SLC24A4: variants seen among roughly 807,000 people sequenced by gnomAD.
SLC24A4 encodes sodium/potassium/calcium exchanger 4.
Under a neutral mutation model 79.0 loss-of-function variants are expected in SLC24A4, and 53 were observed. The ratio of observed to expected loss-of-function variants is 0.67; its 90% CI spans 0.54 to 0.84. SLC24A4 has a LOEUF of 0.84. SLC24A4 is among the 40% of genes least tolerant of loss of function. The pLI, the probability that SLC24A4 is intolerant of heterozygous loss-of-function variation, is 0.00. For synonymous variants in SLC24A4, 323 were observed against 323.8 expected, an observed-to-expected ratio of 1.00 and a Z score of 0.03; for missense variants, 731 against 822.0, an observed-to-expected ratio of 0.89 and a Z score of 1.35.
chr14:92,378,183 G>T (rs541023526), intron 2 of SLC24A4, among the ~76,000 whole-genome samples: 1 of 152,248 alleles, frequency 6.6e-6, no homozygotes, highest in Admixed American at 6.5e-5. Flanking sequence ...CATGTGATTG[G>T]CTTGTCAGCT....
chr14:92,476,799 C>G (rs1031263261), intron 12 of SLC24A4, among the ~76,000 whole-genome samples: 5 of 152,166 alleles, frequency 3.3e-5, no homozygotes, highest in African/African-American at 1.2e-4. Flanking sequence ...TAGAATCTAT[C>G]AATATATGGC....
chr14:92,342,127 A>G (rs1436453829), intron 2 of SLC24A4, among the ~76,000 whole-genome samples: 1 of 152,062 alleles, frequency 6.6e-6, no homozygotes, highest in Non-Finnish European at 1.5e-5. Context: ...GCTCATCACC[A>G]ATACCGAGAA....
At chr14:92,422,784 C>G (rs747397595) in intron 2 of SLC24A4, among the ~76,000 whole-genome samples, 1 of 152,134 alleles carries the variant, frequency 6.6e-6, no homozygotes, top group South Asian at 2.1e-4. Context: ...TTGTGCAGTA[C>G]GTAGAAACCT....
chr14:92,338,360 C>G (rs1008727685), intron 2 of SLC24A4, among the ~76,000 whole-genome samples: 9 of 152,226 alleles, frequency 5.9e-5, no homozygotes, highest in African/African-American at 2.2e-4. Flanking sequence ...GTTTGCCTGA[C>G]TGTAATAGAT....
intron 12 of SLC24A4, 109 bp from the exon 13 acceptor site, chr14:92,482,571 G>GCAA: frequency 9.4e-7 from 1 of 1,059,620 alleles, no homozygotes; most frequent in Non-Finnish European, 1.4e-6. Context: ...TCACATCGGT[G>GCAA]GCATTCTCTT....
intron 10 of SLC24A4, among the ~76,000 whole-genome samples, chr14:92,449,624 G>A (rs1038182081): frequency 3.3e-5 from 5 of 152,140 alleles, no homozygotes; most frequent in Non-Finnish European, 5.9e-5. Context: ...GCCTCCCTGC[G>A]GTTTCTCAAA....
intron 7 of SLC24A4, among the ~76,000 whole-genome samples, chr14:92,444,442 A>G (rs1165201286): frequency 6.6e-6 from 1 of 152,162 alleles, no homozygotes; most frequent in African/African-American, 2.4e-5. Flanking sequence ...ACAATAATGA[A>G]TGACTGCTGA....
chr14:92,409,094 G>C (rs558481402), intron 2 of SLC24A4, among the ~76,000 whole-genome samples: 1 of 152,166 alleles, frequency 6.6e-6, no homozygotes, highest in Non-Finnish European at 1.5e-5. Flanking sequence ...GGGTCAGGAC[G>C]GCCTGTGGAA....
chr14:92,409,287 G>A (rs577024600), intron 2 of SLC24A4, among the ~76,000 whole-genome samples: 25 of 152,326 alleles, frequency 1.6e-4, no homozygotes, highest in Non-Finnish European at 3.2e-4. Context: ...GAGGTGTGGA[G>A]GGGAGTGTCA....
intron 12 of SLC24A4, among the ~76,000 whole-genome samples, chr14:92,463,588 G>A (rs371679466): frequency 1.3e-4 from 20 of 152,184 alleles, no homozygotes; most frequent in East Asian, 1.2e-3. Flanking sequence ...CTCTGTGTGC[G>A]CAGAGGTATC....
chr14:92,355,279 G>A (rs543341511), intron 2 of SLC24A4, among the ~76,000 whole-genome samples: 1 of 152,218 alleles, frequency 6.6e-6, no homozygotes, highest in East Asian at 1.9e-4. Context: ...AAGGAGGTGA[G>A]TGTGGCTGGA....
chr14:92,469,152 T>C (rs984443712), intron 12 of SLC24A4, among the ~76,000 whole-genome samples: 2 of 152,034 alleles, frequency 1.3e-5, no homozygotes, highest in Non-Finnish European at 2.9e-5. Context: ...AGGTAGACAA[T>C]AACAAGTACT....
Position 92,323,219 on chromosome 14 carries a change from G to T in SLC24A4, c.-612G>T, listed in dbSNP as rs1884891657. 6.6e-6 allele frequency: 1 copy of T among 152,046 alleles called. No individual in the cohort carries two copies. The highest frequency in any genetic ancestry group is 2.1e-4 in the South Asian group (1 of 4,826). The allele number at this position is 152,046 out of a possible 1,614,324, so 9.4% of individuals were successfully genotyped here. Reference sequence around the variant, plus strand: ...GAGAGAAAGTTCCCGGGGAGAGCTCGCCCCTGGGAGGGCCGACGTCGAGCC... The same window carrying T: ...GAGAGAAAGTTCCCGGGGAGAGCTCTCCCCTGGGAGGGCCGACGTCGAGCC... On this transcript the variant is annotated 5_prime_UTR_variant, in exon 1 of 17. Transcript: ENST00000532405. The surrounding 1 kb of genome is among the most constrained non-coding windows in gnomAD (Gnocchi z 4.9).
chr14:92,323,843 G>T lies in SLC24A4; in HGVS notation c.13G>T (p.Gly5Trp), dbSNP rs1884943480. Reference sequence around the variant, plus strand: ...CAGGCGCTCCGGGATGGCGCTCCGCGGGACCCTCCGGCCGCTCAAAGTTCG... The same window carrying T: ...CAGGCGCTCCGGGATGGCGCTCCGCTGGACCCTCCGGCCGCTCAAAGTTCG... MALR[G>W]TLRPLKVRRR... The change falls in exon 1 of 17, where the codon GGG (glycine) becomes TGG (tryptophan). Residue 5 changes from glycine (G) to tryptophan (W), a missense_variant. Coordinates refer to ENST00000532405, the MANE Select transcript of SLC24A4 (RefSeq NM_153646.4). This position sits in a 1 kb window ranked among gnomAD's most constrained non-coding sequence, Gnocchi z 4.9. 1 of 1,582,864 alleles carries T rather than the reference G, an allele frequency of 6.3e-7. No homozygotes were observed. The highest frequency in any genetic ancestry group is 8.5e-7 in the Non-Finnish European group (1 of 1,171,848).
Position 92,330,310 on chromosome 14 carries a change from C to T in SLC24A4, c.241+4332C>T, listed in dbSNP as rs1384417027. 2.6e-5 allele frequency among the ~76,000 whole-genome samples: 4 copies of T among 152,136 alleles called. No individual in the cohort carries two copies. The East Asian group carries it at 7.7e-4, about 29-fold the overall frequency. ...AATGTTAACACTTATTTAATAGAGC[C>T]ATTTTCCTAAAAAACATGTTTTTAA... On this transcript the variant is annotated intron_variant, in intron 2 of 16. Transcript: ENST00000532405.
intron 11 of SLC24A4, among the ~76,000 whole-genome samples, 198 bp downstream of exon 11, chr14:92,454,267 A>G (rs1893330419): frequency 6.6e-6 from 1 of 152,200 alleles, no homozygotes; most frequent in Non-Finnish European, 1.5e-5. Flanking sequence ...GCAATCGAAT[A>G]CCTTGCCTGA....
intron 9 of SLC24A4, 40 bp from the exon 10 acceptor site, chr14:92,449,034 C>T (rs752780567): frequency 6.2e-7 from 1 of 1,610,504 alleles, no homozygotes; most frequent in Admixed American, 1.7e-5. Flanking sequence ...GGTGGGACTC[C>T]TTTCCATTGC....
intron 2 of SLC24A4, among the ~76,000 whole-genome samples, chr14:92,368,766 T>C (rs937319966): frequency 1.1e-4 from 16 of 151,772 alleles, no homozygotes; most frequent in Middle Eastern, 3.4e-3. Context: ...GAGGTTGAGG[T>C]CTCCTTCCCC....
intron 2 of SLC24A4, among the ~76,000 whole-genome samples, chr14:92,363,427 G>T (rs1233110019): frequency 1.3e-5 from 2 of 152,228 alleles, no homozygotes; most frequent in African/African-American, 4.8e-5. Context: ...GCAAGCCTCA[G>T]ACCTTTAAGG....
Sources: gnomAD v4.1 joint callset for allele counts (sites outside exome capture counted in the v4.1 genomes callset) on GRCh38, gnomAD v4.1.1 for gene constraint, Gnocchi (gnomAD v3.1) non-coding constraint, MANE v1.5 for transcripts, NCBI Gene and HGNC (gene_info 2026-07-23, HGNC 2026-07-21) for gene names.